The following DMD variants were observed in gnomAD, a reference collection of about 807,000 sequenced individuals.
DMD encodes dystrophin.
A neutral mutation model predicts 330.1 loss-of-function variants in DMD; 63 were observed. The ratio of observed to expected loss-of-function variants is 0.19; its 90% CI spans 0.16 to 0.24. DMD has a LOEUF of 0.24. Among genes scored for constraint, DMD ranks in the 10% least tolerant of loss-of-function variants. DMD has a pLI of 1.00. For missense variants in DMD, 3,344 were observed against 2,684.1 expected (o/e 1.25, Z -5.43); for synonymous variants, 1,223 against 959.8 (o/e 1.27, Z -5.07).
chrX:32,800,791 C>T (rs1241343030), intron 7 of DMD, among the ~76,000 whole-genome samples: 1 of 110,745 alleles, frequency 9.0e-6, no homozygotes, highest in Non-Finnish European at 1.9e-5. Flanking sequence ...TGAGTGAGAA[C>T]ATGCCGAGTT....
At chrX:32,687,619 A>T (rs922511365) in intron 9 of DMD, among the ~76,000 whole-genome samples, 3 of 111,596 alleles carry the variant, frequency 2.7e-5, no homozygotes, top group African/African-American at 6.5e-5. Flanking sequence ...CCCTGGCTGA[A>T]GTTCCAGCAG....
intron 1 of DMD, among the ~76,000 whole-genome samples, chrX:33,164,137 TTTAA>T (rs1340257410): frequency 8.9e-6 from 1 of 111,792 alleles, no homozygotes; most frequent in Non-Finnish European, 1.9e-5. Context: ...ATAAAGGTTG[TTTAA>T]TTAATCGAAT....
intron 1 of DMD, among the ~76,000 whole-genome samples, chrX:33,035,366 G>C (rs1375028095): frequency 9.0e-6 from 1 of 111,161 alleles, no homozygotes. Context: ...ATCTGGCCTA[G>C]GGAATAAATA....
rs187770059 is a variant in DMD at position 32,275,557 on chromosome X, A to G, written c.6290+11972T>C. ...AATGGAGAAAAACTTAAAGGTTAAA[A>G]ATAAATTTTTAAATACTTTCAGTGT... On this transcript the variant is annotated intron_variant, in intron 43 of 78. Coordinates refer to ENST00000357033, the MANE Select transcript of DMD (RefSeq NM_004006.3). Among the ~76,000 whole-genome samples, 1,069 of 112,124 alleles carry G rather than the reference A, an allele frequency of 9.5e-3. 4 individuals are homozygous for G. The highest frequency in any genetic ancestry group is 0.044 in the South Asian group (118 of 2,692).
chrX:31,702,243 C>T (rs1339309565), intron 52 of DMD, among the ~76,000 whole-genome samples: 1 of 111,697 alleles, frequency 9.0e-6, no homozygotes, highest in Non-Finnish European at 1.9e-5. Flanking sequence ...CTGGTGAGTT[C>T]ATGTATGTAT....
intron 1 of DMD, among the ~76,000 whole-genome samples, chrX:33,044,423 G>T (rs750899925): frequency 6.3e-5 from 7 of 111,634 alleles, no homozygotes; most frequent in Non-Finnish European, 1.1e-4. Flanking sequence ...CAGAGCAAGA[G>T]TCAGTCTCAA....
chrX:33,281,458 C>T lies in DMD; in HGVS notation c.7+57801G>A, dbSNP rs913588513. 4.5e-5 allele frequency among the ~76,000 whole-genome samples: 5 copies of T among 111,459 alleles called. No individual in the cohort carries two copies. In the East Asian group the frequency reaches 8.5e-4, roughly 19 times the overall value. ...TCCTGACCTCAGGTGATCCGGTCGCCGGGGTCTCCCAAAGTGCTGGGATTA... is the reference window on the plus strand; with the variant it reads ...TCCTGACCTCAGGTGATCCGGTCGCTGGGGTCTCCCAAAGTGCTGGGATTA... On this transcript the variant is annotated intron_variant, in intron 1 of 17. Coordinates refer to the DMD transcript ENST00000288447.
chrX:32,588,126 A>T lies in DMD; in HGVS notation c.1602+7631T>A, dbSNP rs893758866. On this transcript the variant is annotated intron_variant, in intron 13 of 78. Transcript: ENST00000357033. ...CGTCTGTTCATAGGTTCATTCAGTT[A>T]TCTTACAAGAATTACTGATTACTTG... 2.7e-5 allele frequency among the ~76,000 whole-genome samples: 3 copies of T among 112,429 alleles called. No homozygotes were observed. The Admixed American group carries it at 2.8e-4, about 11-fold the overall frequency.
At chrX:31,866,584 C>T (rs1212995676) in intron 48 of DMD, among the ~76,000 whole-genome samples, 4 of 112,123 alleles carry the variant, frequency 3.6e-5, no homozygotes, top group African/African-American at 1.3e-4. Context: ...TGCTAGTTGG[C>T]TATGAAATAC....
chrX:31,291,294 T>G (rs2053674847), intron 62 of DMD, among the ~76,000 whole-genome samples: 1 of 111,557 alleles, frequency 9.0e-6, no homozygotes, highest in Non-Finnish European at 1.9e-5. Flanking sequence ...AGAGATATTT[T>G]ACAGAATAAT....
intron 44 of DMD, among the ~76,000 whole-genome samples, chrX:32,052,314 T>C (rs1178313629): frequency 2.7e-5 from 3 of 110,994 alleles, no homozygotes; most frequent in Non-Finnish European, 5.7e-5. Flanking sequence ...ATTTAGATTC[T>C]TGACCCCAAA....
intron 11 of DMD, among the ~76,000 whole-genome samples, chrX:32,635,377 G>A (rs2059027802): frequency 9.0e-6 from 1 of 111,473 alleles, no homozygotes; most frequent in Admixed American, 9.6e-5. Context: ...TCAATTTGAT[G>A]TTCCTGCAAC....
chrX:31,683,821 A>G (rs990569405), intron 52 of DMD, among the ~76,000 whole-genome samples: 2 of 112,663 alleles, frequency 1.8e-5, no homozygotes, highest in African/African-American at 6.4e-5. Context: ...GTCACAAGAC[A>G]TAATAAAAAT....
rs915798041 is a variant in DMD, at chrX:32,966,042, T to A, written c.93+54097A>T. Among the ~76,000 whole-genome samples the A allele has an allele frequency of 3.6e-5, 4 of 112,141 alleles. No homozygotes were observed. In the Admixed American group the frequency reaches 3.8e-4, roughly 11 times the overall value. On this transcript the variant is annotated intron_variant, in intron 2 of 78. Coordinates refer to ENST00000357033, the MANE Select transcript of DMD (RefSeq NM_004006.3). Reference sequence around the variant, plus strand: ...ACATTGAATCATACTCAAAGCAAAGTATCTAAGATTCAGAGTAAGTAGGAT... The same window carrying A: ...ACATTGAATCATACTCAAAGCAAAGAATCTAAGATTCAGAGTAAGTAGGAT...
At chrX:31,778,864 C>T (rs2149263904) in intron 50 of DMD, among the ~76,000 whole-genome samples, 1 of 111,676 alleles carries the variant, frequency 9.0e-6, no homozygotes, top group Non-Finnish European at 1.9e-5. Flanking sequence ...CCACCATGCC[C>T]GGCCTATTTA....
rs776580907 is a variant in DMD, at chrX:31,939,219, C to T, written c.6615-6992G>A. 8.1e-5 allele frequency among the ~76,000 whole-genome samples: 9 copies of T among 111,692 alleles called. No individual in the cohort carries two copies. The East Asian group carries it at 2.2e-3, about 28-fold the overall frequency. ...CCGTAGGTCATTATCAGAATCAGAA[C>T]CCAAGCATCAACTTTATTTTTAAGC... is the stretch of plus-strand genomic sequence containing the variant. On this transcript the variant is annotated intron_variant, in intron 45 of 78. Transcript: ENST00000357033.
chrX:32,586,084 AC>A (rs1446279684), intron 13 of DMD, among the ~76,000 whole-genome samples: 2 of 111,471 alleles, frequency 1.8e-5, no homozygotes, highest in African/African-American at 6.5e-5. Context: ...AGTTGAAAAA[AC>A]AATGCACATA....
intron 1 of DMD, among the ~76,000 whole-genome samples, chrX:33,265,840 A>C (rs1333670073): frequency 1.8e-5 from 2 of 111,817 alleles, no homozygotes; most frequent in Non-Finnish European, 3.8e-5. Context: ...GTTAACATAA[A>C]ATAAATGTAA....
At chrX:31,417,737 G>C (rs1195310058) in intron 60 of DMD, among the ~76,000 whole-genome samples, 1 of 102,481 alleles carries the variant, frequency 9.8e-6, no homozygotes, top group Non-Finnish European at 2.0e-5. Flanking sequence ...GTCCAGGCTA[G>C]AGTGCAATGG....
Sources: allele counts gnomAD v4.1 joint callset (sites outside exome capture counted in the v4.1 genomes callset), GRCh38; gene constraint gnomAD v4.1.1; transcripts MANE v1.5; gene names NCBI Gene and HGNC (gene_info 2026-07-23, HGNC 2026-07-21).